Variants in C2orf66 observed in about 807,000 individuals in gnomAD.
C2orf66 encodes chromosome 2 open reading frame 66.
A neutral mutation model predicts 7.0 loss-of-function variants in C2orf66; 6 were observed. The observed-to-expected ratio is 0.86, with a 90% CI of 0.47 to 1.69. The LOEUF (loss-of-function observed/expected upper bound fraction) is 1.69. Among genes scored for constraint, C2orf66 ranks in the 40% most tolerant of loss-of-function variants. The probability of loss-of-function intolerance (pLI) is 0.01; values close to 1 mark genes in which losing one functional copy is unlikely to be tolerated. For synonymous variants in C2orf66, 38 were observed against 43.8 expected (o/e 0.87, Z 0.52); for missense variants, 107 against 112.0 (o/e 0.96, Z 0.20).
At position 196,804,689 on chromosome 2, in the gene C2orf66, C is replaced by T. The variant is rs192265677; in HGVS notation, c.*739G>A. 1.3e-3 allele frequency among the ~76,000 whole-genome samples: 197 copies of T among 152,316 alleles called. 1 individual carries two copies. Among genetic ancestry groups the T allele is most frequent in the Admixed American group, 0.012 (178 of 15,296 alleles). ...GGCTGGTTGGAAAGAGAGGAAATCA[C>T]CTGTTTCTACTTTTCCTTCCTGAGG... On this transcript the variant is annotated 3_prime_UTR_variant, in exon 3 of 3. Coordinates refer to ENST00000342506, the MANE Select transcript of C2orf66 (RefSeq NM_213608.3).
At chr2:196,829,421 T>C in the C2orf66 span, among the ~76,000 whole-genome samples, 2 of 152,014 alleles carry the variant, frequency 1.3e-5, no homozygotes, top group African/African-American at 4.8e-5. Flanking sequence ...AAACCCCATC[T>C]CTACTAAAAA....
chr2:196,829,597 A>C, the C2orf66 span, among the ~76,000 whole-genome samples: 2 of 151,550 alleles, frequency 1.3e-5, no homozygotes, highest in Non-Finnish European at 2.9e-5. Context: ...TCAAAAACAA[A>C]AAAAAACAAA....
upstream of C2orf66, among the ~76,000 whole-genome samples, chr2:196,812,946 G>C (rs1356054304): frequency 2.0e-5 from 3 of 152,114 alleles, no homozygotes; most frequent in African/African-American, 7.2e-5. Context: ...CAAACAAATG[G>C]AAAAACATTC....
the C2orf66 span, among the ~76,000 whole-genome samples, chr2:196,816,918 G>A: frequency 6.6e-6 from 1 of 152,150 alleles, no homozygotes; most frequent in Admixed American, 6.5e-5. Flanking sequence ...TACCAAGAGA[G>A]GAATTTTACA....
chr2:196,808,823 T>G (rs1355173898), intron 1 of C2orf66, among the ~76,000 whole-genome samples: 1 of 152,200 alleles, frequency 6.6e-6, no homozygotes, highest in Admixed American at 6.5e-5. Flanking sequence ...CAATCTCTAG[T>G]TATATGATAA....
At chr2:196,817,112 T>C in the C2orf66 span, among the ~76,000 whole-genome samples, 7 of 151,218 alleles carry the variant, frequency 4.6e-5, no homozygotes, top group South Asian at 2.1e-4. Flanking sequence ...TCTGAGGAAA[T>C]AGGACAAGGG....
At chr2:196,806,507 G>A (rs1318643530) in intron 2 of C2orf66, among the ~76,000 whole-genome samples, 1 of 151,318 alleles carries the variant, frequency 6.6e-6, no homozygotes, top group Non-Finnish European at 1.5e-5. Context: ...AATCATGCTT[G>A]TTCTTTTTAA....
At position 196,807,580 on chromosome 2, in the gene C2orf66, C is replaced by T; in HGVS notation, c.166G>A (p.Asp56Asn). The T allele has an allele frequency of 1.2e-6, 2 of 1,613,674 alleles. No individual in the cohort carries two copies. The highest frequency in any genetic ancestry group is 1.7e-6 in the Non-Finnish European group (2 of 1,179,870). The change falls in exon 2 of 3, where the codon GAT (aspartate) becomes AAT (asparagine). Residue 56 changes from aspartate to asparagine, a missense_variant. Transcript: ENST00000342506. Reference protein sequence around the residue: ...LQAYFKGRGLDLGTFPNPFPT... With the variant: ...LQAYFKGRGLNLGTFPNPFPT... ...AAAGGATTTGGAAATGTTCCAAGAT[C>T]AAGACCTCTGCCCTTAAAATATGCC...
At chr2:196,826,799 G>A in the C2orf66 span, among the ~76,000 whole-genome samples, 28 of 152,192 alleles carry the variant, frequency 1.8e-4, no homozygotes, top group African/African-American at 6.3e-4. Context: ...TTGGGAGACC[G>A]AGGTGGGCAG....
the C2orf66 span, among the ~76,000 whole-genome samples, chr2:196,821,562 C>A: frequency 1.3e-5 from 2 of 152,054 alleles, no homozygotes; most frequent in African/African-American, 4.8e-5. Context: ...CTATTATGAA[C>A]CTGGGATTTT....
At chr2:196,830,389 A>ACCCAAAGAATGGACTTAGAGGCATG in the C2orf66 span, among the ~76,000 whole-genome samples, 11 of 152,288 alleles carry the variant, frequency 7.2e-5, no homozygotes, top group East Asian at 1.7e-3. Context: ...AGCCGTCCAA[A>ACCCAAAGAATGGACTTAGAGGCATG]CCCAAAGAAT....
chr2:196,809,446 G>A, upstream of C2orf66: 1 of 1,473,088 alleles, frequency 6.8e-7, no homozygotes, highest in African/African-American at 1.4e-5. Flanking sequence ...AGGCAGACAA[G>A]GAAGGAGAAA....
chr2:196,805,851 A>G (rs901647667), intron 2 of C2orf66, among the ~76,000 whole-genome samples: 14 of 152,228 alleles, frequency 9.2e-5, no homozygotes, highest in Admixed American at 7.9e-4. Context: ...CTAAGGCCTA[A>G]GTGTAAATAA....
Position 196,809,323 on chromosome 2 carries a change from G to T in C2orf66, c.14C>A (p.Pro5His). The change falls in exon 1 of 3, where the codon CCT (proline) becomes CAT (histidine). Residue 5 changes from proline (P) to histidine (H), a missense_variant. Coordinates refer to ENST00000342506, the MANE Select transcript of C2orf66 (RefSeq NM_213608.3). MTRA[P>H]LLLLCVALVL... ...CAGGGCAACACATAGTAGCAGGAGA[G>T]GTGCTCTGGTCATGGTGGAGTGAAG... is the stretch of plus-strand genomic sequence containing the variant. The T allele has an allele frequency of 1.9e-6, 3 of 1,614,086 alleles. No homozygotes were observed. The highest frequency in any genetic ancestry group is 2.5e-6 in the Non-Finnish European group (3 of 1,179,976).
At chr2:196,815,626 A>G in the C2orf66 span, among the ~76,000 whole-genome samples, 9 of 152,340 alleles carry the variant, frequency 5.9e-5, no homozygotes, top group Admixed American at 5.9e-4. Flanking sequence ...AAAATAGAGT[A>G]CTCAGCACAG....
chr2:196,828,958 C>T, the C2orf66 span, among the ~76,000 whole-genome samples: 7 of 152,286 alleles, frequency 4.6e-5, no homozygotes, highest in South Asian at 1.2e-3. Flanking sequence ...CACACTAGGG[C>T]TATGCCTAGA....
chr2:196,813,086 A>G (rs1324542747), upstream of C2orf66, among the ~76,000 whole-genome samples: 2 of 152,226 alleles, frequency 1.3e-5, no homozygotes, highest in African/African-American at 4.8e-5. Context: ...ACTACTGTAA[A>G]TTTCATATGG....
chr2:196,814,072 G>A (rs1387290029), upstream of C2orf66, among the ~76,000 whole-genome samples: 1 of 152,182 alleles, frequency 6.6e-6, no homozygotes, highest in Non-Finnish European at 1.5e-5. Flanking sequence ...CCATTACTGG[G>A]TATACACCCA....
chr2:196,805,914 T>C (rs533243746), intron 2 of C2orf66, among the ~76,000 whole-genome samples: 1 of 152,342 alleles, frequency 6.6e-6, no homozygotes, highest in African/African-American at 2.4e-5. Flanking sequence ...TTTTATTTTC[T>C]CATTTTAGAA....
Sources: allele counts gnomAD v4.1 joint callset (sites outside exome capture counted in the v4.1 genomes callset), GRCh38; gene constraint gnomAD v4.1.1; transcripts MANE v1.5; gene names NCBI Gene and HGNC (gene_info 2026-07-23, HGNC 2026-07-21).